Variants in USO1 observed in about 807,000 individuals in gnomAD.
USO1 encodes the protein USO1 vesicle transport factor.
In USO1, 57 loss-of-function variants were observed where a neutral mutation model predicts 124.5. That is an observed-to-expected ratio of 0.46 (90% CI 0.37 to 0.57). USO1 has a LOEUF of 0.57. USO1 is among the 20% of genes least tolerant of loss of function. The pLI, the probability that USO1 is intolerant of heterozygous loss-of-function variation, is 0.00. For missense variants in USO1, 900 were observed against 1,040.6 expected, an observed-to-expected ratio of 0.86 and a Z score of 1.86; for synonymous variants, 369 against 362.8, an observed-to-expected ratio of 1.02 and a Z score of -0.19.
intron 14 of USO1, 106 bp downstream of exon 14, chr4:75,799,838 A>G (rs571637061): frequency 8.3e-6 from 11 of 1,324,024 alleles, no homozygotes; most frequent in African/African-American, 1.5e-5. Flanking sequence ...ATTCTCCACT[A>G]TCTTATCTGT....
At chr4:75,801,253 C>A in intron 17 of USO1, 53 bp downstream of exon 17, 1 of 1,468,792 alleles carries the variant, frequency 6.8e-7, no homozygotes, top group Non-Finnish European at 9.0e-7. Flanking sequence ...GCACTTTCTG[C>A]TTTAAGGGAG....
chr4:75,811,081 T>C (rs1723134446), intron 22 of USO1, among the ~76,000 whole-genome samples: 1 of 152,206 alleles, frequency 6.6e-6, no homozygotes, highest in Admixed American at 6.5e-5. Flanking sequence ...TGATAATATG[T>C]AAGATAAGCA....
intron 12 of USO1, among the ~76,000 whole-genome samples, chr4:75,791,340 A>C (rs931438455): frequency 6.6e-5 from 10 of 152,202 alleles, no homozygotes; most frequent in Admixed American, 5.9e-4. Context: ...CCTAGCCAAC[A>C]TGGTGAAACC....
chr4:75,803,106 GA>G (rs928563397), intron 17 of USO1, among the ~76,000 whole-genome samples: 2 of 132,772 alleles, frequency 1.5e-5, no homozygotes, highest in Non-Finnish European at 3.3e-5. Flanking sequence ...AAAAACCCAA[GA>G]AAAAAAGAAA....
Position 75,810,491 on chromosome 4 carries a change from T to A in USO1, c.2535T>A (p.Asp845Glu). Residue 845 changes from aspartate (D) to glutamate (E), a missense_variant, in exon 22 of 24, where the codon GAT becomes GAA. Physicochemically the swap from Asp to Glu is conservative, Grantham distance 45. Transcript: ENST00000514213. Reference protein sequence around the residue: ...TETIIATKTTDVEGRLSALLQ... With the variant: ...TETIIATKTTEVEGRLSALLQ... ...CTATAATAGCCACCAAAACTACTGA[T>A]GTAGAAGGAAGACTGTCAGCATTAT... The A allele has an allele frequency of 6.2e-7, 1 of 1,613,146 alleles. No homozygotes were observed. Among genetic ancestry groups the A allele is most frequent in the Non-Finnish European group, 8.5e-7 (1 of 1,179,606 alleles).
intron 13 of USO1, among the ~76,000 whole-genome samples, chr4:75,796,825 G>C (rs1384644565): frequency 6.7e-6 from 1 of 149,236 alleles, no homozygotes; most frequent in East Asian, 2.0e-4. Context: ...TATATCCTCT[G>C]CCCATTTTAT....
intron 4 of USO1, among the ~76,000 whole-genome samples, chr4:75,759,932 C>G (rs546485932): frequency 6.6e-6 from 1 of 150,526 alleles, no homozygotes; most frequent in East Asian, 2.0e-4. Flanking sequence ...AAAAAATAGA[C>G]CAGACATGGT....
chr4:75,791,335 C>A (rs1198406793), intron 12 of USO1, among the ~76,000 whole-genome samples: 1 of 152,148 alleles, frequency 6.6e-6, no homozygotes, highest in Non-Finnish European at 1.5e-5. Flanking sequence ...ACCAGCCTAG[C>A]CAACATGGTG....
intron 20 of USO1, among the ~76,000 whole-genome samples, 169 bp from the exon 21 acceptor site, chr4:75,808,784 G>C (rs7685116): frequency 0.1 from 15,416 of 147,088 alleles, 897 homozygotes; most frequent in Middle Eastern, 0.23. Flanking sequence ...AGAGGTAAAT[G>C]AATGTGTTGA....
At chr4:75,769,554 T>C (rs765313035) in intron 4 of USO1, among the ~76,000 whole-genome samples, 3 of 152,146 alleles carry the variant, frequency 2.0e-5, no homozygotes, top group Non-Finnish European at 4.4e-5. Flanking sequence ...CATTGGCTGA[T>C]AGTCACTTAG....
intron 14 of USO1, 104 bp from the exon 15 acceptor site, chr4:75,800,247 A>G (rs1000162691): frequency 7.4e-7 from 1 of 1,354,230 alleles, no homozygotes; most frequent in Non-Finnish European, 9.8e-7. Context: ...TATATATGGA[A>G]TTTCTTATGG....
At chr4:75,771,431 C>T (rs1467706545) in intron 7 of USO1, among the ~76,000 whole-genome samples, 1 of 152,114 alleles carries the variant, frequency 6.6e-6, no homozygotes, top group Non-Finnish European at 1.5e-5. Flanking sequence ...TGTACAAGGC[C>T]ACATTGTTTC....
chr4:75,748,739 A>C (rs1421993263), intron 1 of USO1, among the ~76,000 whole-genome samples: 1 of 152,112 alleles, frequency 6.6e-6, no homozygotes, highest in Non-Finnish European at 1.5e-5. Context: ...GACTAAGAAG[A>C]AGCAGAAAAC....
At chr4:75,762,877 G>A (rs1721658694) in intron 4 of USO1, among the ~76,000 whole-genome samples, 1 of 152,212 alleles carries the variant, frequency 6.6e-6, no homozygotes, top group South Asian at 2.1e-4. Context: ...GCAGTGAGCA[G>A]AGATCGTGCC....
At chr4:75,790,576 C>G (rs1481278690) in intron 11 of USO1, 67 bp from the exon 12 acceptor site, 1 of 1,529,268 alleles carries the variant, frequency 6.5e-7, no homozygotes, top group African/African-American at 1.4e-5. Context: ...ACAAAAATGA[C>G]TAGTTATTGA....
intron 13 of USO1, among the ~76,000 whole-genome samples, chr4:75,794,488 G>A (rs1301861669): frequency 6.6e-6 from 1 of 152,222 alleles, no homozygotes; most frequent in African/African-American, 2.4e-5. Flanking sequence ...TTATTGAAGT[G>A]TAGTTGCTAG....
At chr4:75,802,736 C>CTTTTTTTTTTTTTTTTTTTTTT (rs997798305) in intron 17 of USO1, among the ~76,000 whole-genome samples, 6 of 63,738 alleles carry the variant, frequency 9.4e-5, no homozygotes, top group East Asian at 6.8e-4. Context: ...TTTTTCTTTT[C>CTTTTTTTTTTTTTTTTTTTTTT]TTTTTTTTTT....
At chr4:75,808,751 T>TTTG (rs1723061217) in intron 20 of USO1, among the ~76,000 whole-genome samples, 1 of 151,530 alleles carries the variant, frequency 6.6e-6, no homozygotes, top group Non-Finnish European at 1.5e-5. Flanking sequence ...TTTTTTTTTT[T>TTTG]GCATGGGATT....
chr4:75,782,920 A>T, intron 9 of USO1, 62 bp downstream of exon 9: 1 of 1,481,470 alleles, frequency 6.8e-7, no homozygotes, highest in Admixed American at 3.0e-5. Context: ...CAAAGAGAAG[A>T]AAATCGCTTG....
Sources: gnomAD v4.1 joint callset for allele counts (sites outside exome capture counted in the v4.1 genomes callset) on GRCh38, gnomAD v4.1.1 for gene constraint, MANE v1.5 for transcripts, NCBI Gene and HGNC (gene_info 2026-07-23, HGNC 2026-07-21) for gene names.